BASP1: variants seen among roughly 807,000 people sequenced by gnomAD.
BASP1 encodes brain abundant membrane attached signal protein 1, also known as brain acid soluble protein 1.
In BASP1, 1 loss-of-function variant was observed where a neutral mutation model predicts 2.2. That is an observed-to-expected ratio of 0.46 (90% CI 0.16 to 2.17). The LOEUF is 2.17. BASP1 is among the 30% of genes most tolerant of loss of function. BASP1 has a pLI of 0.27. For synonymous variants in BASP1, 187 were observed against 154.2 expected, an observed-to-expected ratio of 1.21 and a Z score of -1.58; for missense variants, 352 against 327.2, an observed-to-expected ratio of 1.08 and a Z score of -0.58.
At chr5:17,244,135 G>A (rs1000240857) in intron 1 of BASP1, among the ~76,000 whole-genome samples, 5 of 152,186 alleles carry the variant, frequency 3.3e-5, no homozygotes, top group African/African-American at 4.8e-5. Flanking sequence ...AAGATTATAC[G>A]TATTGTACAT....
intron 1 of BASP1, among the ~76,000 whole-genome samples, chr5:17,254,487 G>GT (rs554143259): frequency 2.0e-5 from 3 of 152,090 alleles, no homozygotes; most frequent in Non-Finnish European, 2.9e-5. Context: ...TTCTAGTGTA[G>GT]TTTTTTTTGG....
intron 1 of BASP1, among the ~76,000 whole-genome samples, chr5:17,266,334 G>A (rs1481695381): frequency 6.6e-6 from 1 of 152,144 alleles, no homozygotes; most frequent in Admixed American, 6.5e-5. Context: ...TTCAAAATGA[G>A]AGGCATTTTT....
At chr5:17,217,071 T>TGTGTGAGAGAGA (rs1367601986), upstream of BASP1, 50 of 102,048 alleles carry the variant, frequency 4.9e-4, no homozygotes, top group African/African-American at 1.4e-3. Flanking sequence ...AGAGAGAGAG[T>TGTGTGAGAGAGA]GAGAGAGAGA....
At position 17,221,365 on chromosome 5, in the gene BASP1, G is replaced by T. The variant is rs7724347; in HGVS notation, c.-10+3555G>T. On this transcript the variant is annotated intron_variant, in intron 1 of 1. Transcript: ENST00000322611. ...CTTATTTTTGTGATCTCTTGTAAATGTTTTTTTTTTTTTTTTTTTTAAATA... is the reference window on the plus strand; with the variant it reads ...CTTATTTTTGTGATCTCTTGTAAATTTTTTTTTTTTTTTTTTTTTTAAATA... 2.1e-3 allele frequency among the ~76,000 whole-genome samples: 258 copies of T among 120,948 alleles called. 3 individuals are homozygous for T. In the East Asian group the frequency reaches 0.034, roughly 16 times the overall value. The allele number at this position is 120,948 out of a possible 152,430, so 79.3% of individuals were successfully genotyped here.
At chr5:17,258,069 C>T (rs1173746746) in intron 1 of BASP1, among the ~76,000 whole-genome samples, 1 of 152,176 alleles carries the variant, frequency 6.6e-6, no homozygotes, top group Non-Finnish European at 1.5e-5. Flanking sequence ...AACAAGACGG[C>T]AGTTGGCTGC....
intron 1 of BASP1, among the ~76,000 whole-genome samples, chr5:17,246,168 A>T (rs1468364430): frequency 6.6e-6 from 1 of 152,102 alleles, no homozygotes; most frequent in Non-Finnish European, 1.5e-5. Flanking sequence ...GACTCTCTTG[A>T]CAAGAACCCA....
chr5:17,256,036 C>G (rs1451630225), intron 1 of BASP1, among the ~76,000 whole-genome samples: 1 of 152,104 alleles, frequency 6.6e-6, no homozygotes, highest in African/African-American at 2.4e-5. Context: ...CTTGAGGTGT[C>G]CTCTTGTTGA....
At chr5:17,256,117 G>A (rs558558978) in intron 1 of BASP1, among the ~76,000 whole-genome samples, 1 of 152,286 alleles carries the variant, frequency 6.6e-6, no homozygotes, top group Admixed American at 6.5e-5. Context: ...CTTTTTTGCA[G>A]CTTCCACCTT....
intron 1 of BASP1, among the ~76,000 whole-genome samples, chr5:17,233,814 G>T (rs1301276272): frequency 1.7e-4 from 26 of 151,086 alleles, no homozygotes; most frequent in Admixed American, 1.7e-3. Context: ...TGATGGTGAT[G>T]GTGTCATTTT....
At chr5:17,263,047 C>T (rs1335213446) in intron 1 of BASP1, among the ~76,000 whole-genome samples, 1 of 152,108 alleles carries the variant, frequency 6.6e-6, no homozygotes, top group Non-Finnish European at 1.5e-5. Context: ...TGGGGTTTCA[C>T]CGTATTAGCC....
chr5:17,218,338 G>A (rs1405310065), intron 1 of BASP1, among the ~76,000 whole-genome samples: 3 of 152,096 alleles, frequency 2.0e-5, no homozygotes, highest in African/African-American at 7.2e-5. Flanking sequence ...CCGATCAGAA[G>A]GAAGTGGGTG....
chr5:17,233,703 G>A lies in BASP1; in HGVS notation c.-10+15893G>A, dbSNP rs894183584. On this transcript the variant is annotated intron_variant, in intron 1 of 1. Coordinates refer to ENST00000322611, the MANE Select transcript of BASP1 (RefSeq NM_006317.5). Reference sequence around the variant, plus strand: ...GAGGAGCAATTTATGACACAGATGAGTAATTAGGTGACTGATACGCCTTTT... The same window carrying A: ...GAGGAGCAATTTATGACACAGATGAATAATTAGGTGACTGATACGCCTTTT... 3.9e-5 allele frequency among the ~76,000 whole-genome samples: 6 copies of A among 151,986 alleles called. No individual in the cohort carries two copies. In the East Asian group the frequency reaches 1.2e-3, roughly 29 times the overall value.
intron 1 of BASP1, among the ~76,000 whole-genome samples, chr5:17,243,076 C>T (rs1039526653): frequency 1.3e-5 from 2 of 151,744 alleles, no homozygotes; most frequent in African/African-American, 4.8e-5. Flanking sequence ...AGTCTGTTGC[C>T]CCCAGCAAGT....
At chr5:17,245,331 G>A (rs894456934) in intron 1 of BASP1, among the ~76,000 whole-genome samples, 1 of 150,782 alleles carries the variant, frequency 6.6e-6, no homozygotes, top group Non-Finnish European at 1.5e-5. Flanking sequence ...AAAAATCAGT[G>A]TTGAAATGTG....
intron 1 of BASP1, among the ~76,000 whole-genome samples, chr5:17,259,413 C>A (rs930347463): frequency 3.9e-5 from 6 of 152,130 alleles, no homozygotes; most frequent in Non-Finnish European, 1.5e-5. Flanking sequence ...TAGTATTCAT[C>A]TTTGGATTGA....
intron 1 of BASP1, among the ~76,000 whole-genome samples, chr5:17,249,836 T>G (rs2126506605): frequency 6.6e-6 from 1 of 152,348 alleles, no homozygotes; most frequent in Non-Finnish European, 1.5e-5. Flanking sequence ...GGCTTCTCAT[T>G]CTAATGTGTT....
chr5:17,234,206 A>T (rs891161731), intron 1 of BASP1, among the ~76,000 whole-genome samples: 5 of 152,208 alleles, frequency 3.3e-5, no homozygotes, highest in African/African-American at 1.2e-4. Flanking sequence ...TGATTGGTAG[A>T]TGTTTAGAGT....
chr5:17,228,419 C>T (rs1304611637), intron 1 of BASP1, among the ~76,000 whole-genome samples: 2 of 152,144 alleles, frequency 1.3e-5, no homozygotes, highest in Non-Finnish European at 2.9e-5. Flanking sequence ...GGAAAGGAGT[C>T]CTATGAATAT....
intron 1 of BASP1, among the ~76,000 whole-genome samples, chr5:17,271,622 G>T (rs1740531238): frequency 6.6e-6 from 1 of 152,186 alleles, no homozygotes; most frequent in Non-Finnish European, 1.5e-5. Context: ...TTTCAGTAGA[G>T]CTTTGGTTTA....
Sources: allele counts gnomAD v4.1 joint callset (sites outside exome capture counted in the v4.1 genomes callset), GRCh38; gene constraint gnomAD v4.1.1; transcripts MANE v1.5; gene names NCBI Gene and HGNC (gene_info 2026-07-23, HGNC 2026-07-21).